The following CSTPP1 variants were observed in gnomAD, a reference collection of about 807,000 sequenced individuals.
CSTPP1 encodes UPF0705 protein C11orf49.
the CSTPP1 span, among the ~76,000 whole-genome samples, chr11:46,963,753 C>A: frequency 6.6e-6 from 1 of 150,626 alleles, no homozygotes; most frequent in Non-Finnish European, 1.5e-5. Flanking sequence ...CCATTGCACT[C>A]CATCCTGGGC....
chr11:47,097,679 TGG>T, the CSTPP1 span, among the ~76,000 whole-genome samples: 17 of 19,938 alleles, frequency 8.5e-4, no homozygotes, highest in African/African-American at 2.7e-3. Flanking sequence ...GGGAGGGAGG[TGG>T]GGGGGGGTCG....
the CSTPP1 span, among the ~76,000 whole-genome samples, chr11:47,106,703 T>C: frequency 1.3e-5 from 2 of 151,612 alleles, no homozygotes; most frequent in Non-Finnish European, 2.9e-5. Flanking sequence ...GGACCTTACT[T>C]GGTAATTTTT....
At chr11:47,000,994 C>T in the CSTPP1 span, among the ~76,000 whole-genome samples, 1 of 152,108 alleles carries the variant, frequency 6.6e-6, no homozygotes. Context: ...AGACAAATAA[C>T]AAGAAAACAG....
chr11:46,940,681 A>G, the CSTPP1 span, among the ~76,000 whole-genome samples: 6 of 152,202 alleles, frequency 3.9e-5, no homozygotes, highest in Non-Finnish European at 8.8e-5. Flanking sequence ...AGACATATAT[A>G]TAGAGAGAGA....
the CSTPP1 span, among the ~76,000 whole-genome samples, chr11:47,051,406 T>G: frequency 1.3e-5 from 2 of 152,186 alleles, no homozygotes; most frequent in Non-Finnish European, 1.5e-5. Context: ...TATATTTTTT[T>G]CCCTTCCCTG....
the CSTPP1 span, among the ~76,000 whole-genome samples, chr11:46,952,038 C>G: frequency 2.6e-5 from 4 of 152,240 alleles, no homozygotes; most frequent in African/African-American, 9.6e-5. Context: ...AGGGTGAGGG[C>G]TGAGCTGGTG....
At chr11:46,936,863 C>A in the CSTPP1 span, 1 of 1,558,640 alleles carries the variant, frequency 6.4e-7, no homozygotes, top group Middle Eastern at 1.7e-4. Context: ...TAGGAACCCC[C>A]TTTAACTTTG....
At chr11:47,043,369 C>A in the CSTPP1 span, among the ~76,000 whole-genome samples, 1 of 151,786 alleles carries the variant, frequency 6.6e-6, no homozygotes, top group South Asian at 2.1e-4. Context: ...ATAGTGAGAC[C>A]CCGTCTATTA....
chr11:46,950,653 C>G, the CSTPP1 span, among the ~76,000 whole-genome samples: 1 of 151,626 alleles, frequency 6.6e-6, no homozygotes, highest in Non-Finnish European at 1.5e-5. Flanking sequence ...ACTTTGTTGC[C>G]CAGGCTGGAG....
At chr11:47,129,740 G>A in the CSTPP1 span, among the ~76,000 whole-genome samples, 1 of 152,146 alleles carries the variant, frequency 6.6e-6, no homozygotes, top group Admixed American at 6.5e-5. Flanking sequence ...ACATGACCCT[G>A]GGTAGAATGT....
the CSTPP1 span, chr11:47,041,661 G>T: frequency 6.7e-6 from 3 of 446,112 alleles, no homozygotes; most frequent in South Asian, 1.9e-5. Flanking sequence ...AGAACTCACT[G>T]GGCAGCTATG....
chr11:47,155,184 TCATGGACGATGC>T, the CSTPP1 span: 4 of 1,613,338 alleles, frequency 2.5e-6, no homozygotes, highest in African/African-American at 5.3e-5. Flanking sequence ...AGGATTGTGC[TCATGGACGATGC>T]CATGGACTGC....
the CSTPP1 span, among the ~76,000 whole-genome samples, chr11:47,055,175 C>T: frequency 1.3e-5 from 2 of 151,964 alleles, no homozygotes; most frequent in African/African-American, 2.4e-5. Flanking sequence ...TCAAGCCACT[C>T]GTCCACCTCA....
At chr11:47,145,870 A>G in the CSTPP1 span, among the ~76,000 whole-genome samples, 1 of 152,092 alleles carries the variant, frequency 6.6e-6, no homozygotes, top group Non-Finnish European at 1.5e-5. Context: ...TCCTGGCCTC[A>G]GGCATTCCTC....
chr11:46,955,678 A>T, the CSTPP1 span, among the ~76,000 whole-genome samples: 6 of 151,864 alleles, frequency 4.0e-5, no homozygotes. Flanking sequence ...CAGTGTCTTA[A>T]GTGTTTGGCA....
the CSTPP1 span, among the ~76,000 whole-genome samples, chr11:46,938,340 ATATTAT>A: frequency 6.8e-6 from 1 of 147,938 alleles, no homozygotes; most frequent in African/African-American, 2.5e-5. Context: ...AATATATTAT[ATATTAT>A]TATTATTATA....
At chr11:46,966,495 C>G in the CSTPP1 span, among the ~76,000 whole-genome samples, 1 of 152,074 alleles carries the variant, frequency 6.6e-6, no homozygotes, top group Non-Finnish European at 1.5e-5. Context: ...AATACTATCA[C>G]TTGTTTTCCT....
the CSTPP1 span, among the ~76,000 whole-genome samples, chr11:47,138,236 G>A: frequency 2.0e-5 from 3 of 152,194 alleles, no homozygotes; most frequent in Non-Finnish European, 4.4e-5. Context: ...AGTACAGACA[G>A]GGGAAATGTC....
chr11:47,139,360 G>A, the CSTPP1 span, among the ~76,000 whole-genome samples: 1 of 152,114 alleles, frequency 6.6e-6, no homozygotes, highest in African/African-American at 2.4e-5. Context: ...GATGAAGAGG[G>A]TTGCGGTTGG....
Sources: allele counts gnomAD v4.1 joint callset (sites outside exome capture counted in the v4.1 genomes callset), GRCh38; gene constraint gnomAD v4.1.1; transcripts MANE v1.5; gene names NCBI Gene and HGNC (gene_info 2026-07-23, HGNC 2026-07-21).